The following NEK3 variants were observed in gnomAD, a reference collection of about 807,000 sequenced individuals.
NEK3 encodes NIMA related kinase 3, also known as serine/threonine-protein kinase Nek3.
NEK3 carries 54 observed loss-of-function variants against 66.0 expected under a neutral mutation model. The ratio of observed to expected loss-of-function variants is 0.82; its 90% CI spans 0.66 to 1.03. The LOEUF (loss-of-function observed/expected upper bound fraction) is 1.03. Among genes scored for constraint, NEK3 ranks in the 50% least tolerant of loss-of-function variants. NEK3 has a pLI of 0.00. For missense variants in NEK3, 593 were observed against 603.0 expected (o/e 0.98, Z 0.17); for synonymous variants, 200 against 206.2 (o/e 0.97, Z 0.26).
intron 8 of NEK3, among the ~76,000 whole-genome samples, chr13:52,147,756 G>C (rs1167266538): frequency 6.6e-6 from 1 of 152,154 alleles, no homozygotes; most frequent in South Asian, 2.1e-4. Context: ...TGGATCACCT[G>C]AGGTCAGGAG....
At position 52,133,062 on chromosome 13, in the gene NEK3, G is replaced by A. The variant is rs1332555705; in HGVS notation, c.*80C>T. 43 of 1,088,016 alleles carry A rather than the reference G, an allele frequency of 4.0e-5. No homozygotes were observed. The highest frequency in any genetic ancestry group is 5.1e-5 in the Non-Finnish European group (37 of 725,544). The allele number at this position is 1,088,016 out of a possible 1,614,324, so 67.4% of individuals were successfully genotyped here. ...CTGTTTCCAAAGGAAAATATACGTC[G>A]CATGAACTCATGATCATCTCAGCAT... is the stretch of plus-strand genomic sequence containing the variant. On this transcript the variant is annotated 3_prime_UTR_variant, in exon 16 of 16. Coordinates refer to ENST00000610828, the MANE Select transcript of NEK3 (RefSeq NM_002498.3).
intron 11 of NEK3, among the ~76,000 whole-genome samples, chr13:52,139,856 G>T (rs755060058): frequency 3.3e-5 from 5 of 151,820 alleles, no homozygotes; most frequent in Admixed American, 3.3e-4. Context: ...CCGTGATCAC[G>T]CCACTGCACT....
chr13:52,143,979 C>T lies in NEK3; in HGVS notation c.813G>A (p.Met271Ile). 1 of 1,493,632 alleles carries T rather than the reference C, an allele frequency of 6.7e-7. No homozygotes were observed. Among genetic ancestry groups the T allele is most frequent in the Non-Finnish European group, 9.1e-7 (1 of 1,102,438 alleles). The allele number at this position is 1,493,632 out of a possible 1,614,324, so 92.5% of individuals were successfully genotyped here. The change falls in exon 10 of 16, where the codon ATG becomes ATA. Residue 271 changes from methionine (M) to isoleucine (I), a missense_variant. By Grantham distance (10) the Met-to-Ile change is conservative. Coordinates refer to ENST00000610828, the MANE Select transcript of NEK3 (RefSeq NM_002498.3). ...CTTCTAATACTTCCTCACCATATTC[C>T]ATGATGATCTGAAATTTAAAGTTGA... ...VQKCLPPEIIMEYGEEVLEEI... is the reference protein window; with the variant it reads ...VQKCLPPEIIIEYGEEVLEEI...
intron 10 of NEK3, among the ~76,000 whole-genome samples, chr13:52,142,260 C>G (rs1017923661): frequency 1.2e-4 from 18 of 151,364 alleles, no homozygotes; most frequent in African/African-American, 4.1e-4. Context: ...ACTGGTAAAA[C>G]AAAGGTAACT....
At chr13:52,154,350 T>C (rs1956373720) in intron 2 of NEK3, among the ~76,000 whole-genome samples, 177 bp from the exon 3 acceptor site, 1 of 152,222 alleles carries the variant, frequency 6.6e-6, no homozygotes, top group Non-Finnish European at 1.5e-5. Flanking sequence ...CAACTCTGGC[T>C]ATATTTTCAT....
chr13:52,138,324 G>T (rs2138191731), intron 11 of NEK3, among the ~76,000 whole-genome samples: 1 of 152,326 alleles, frequency 6.6e-6, no homozygotes, highest in African/African-American at 2.4e-5. Context: ...GCCCCACCTG[G>T]AAGTTCTATA....
At chr13:52,135,988 C>T in intron 13 of NEK3, 125 bp from the exon 14 acceptor site, 2 of 1,489,916 alleles carry the variant, frequency 1.3e-6, no homozygotes, top group Admixed American at 1.9e-5. Context: ...CTTCATTCAC[C>T]TGTATGAGCA....
At chr13:52,143,488 C>A (rs1268091085) in intron 10 of NEK3, among the ~76,000 whole-genome samples, 2 of 152,136 alleles carry the variant, frequency 1.3e-5, no homozygotes, top group Non-Finnish European at 2.9e-5. Context: ...CACCCAGAGT[C>A]CACAGTTTAC....
chr13:52,136,716 TTATGA>T, intron 12 of NEK3, 79 bp downstream of exon 12: 1 of 735,934 alleles, frequency 1.4e-6, no homozygotes, highest in Admixed American at 2.9e-5. Flanking sequence ...GTACTCTTGT[TTATGA>T]TATCTGAGAC....
At position 52,135,792 on chromosome 13, in the gene NEK3, A is replaced by T. The variant is rs1264879157; in HGVS notation, c.1246T>A (p.Leu416Met). ...QWLKETPDTLLNILKNADLSL... is the reference protein window; with the variant it reads ...QWLKETPDTLMNILKNADLSL... ...AGATCAGCATTCTTAAGGATGTTCAACAAAGTGTCAGGGGTCTCTTTGAGC... is the reference window on the plus strand; with the variant it reads ...AGATCAGCATTCTTAAGGATGTTCATCAAAGTGTCAGGGGTCTCTTTGAGC... Residue 416 changes from leucine to methionine, a missense_variant, in exon 14 of 16, where the codon TTG becomes ATG. Coordinates refer to ENST00000610828, the MANE Select transcript of NEK3 (RefSeq NM_002498.3). The T allele has an allele frequency of 6.2e-7, 1 of 1,613,714 alleles. No individual in the cohort carries two copies. The highest frequency in any genetic ancestry group is 8.5e-7 in the Non-Finnish European group (1 of 1,179,678).
chr13:52,149,143 C>T (rs1031790140), intron 7 of NEK3, among the ~76,000 whole-genome samples: 3 of 152,110 alleles, frequency 2.0e-5, no homozygotes, highest in East Asian at 1.9e-4. Flanking sequence ...TCGTGATCCG[C>T]GCGCCTCAGC....
intron 5 of NEK3, 38 bp downstream of exon 5, chr13:52,152,571 A>G (rs758891914): frequency 3.0e-5 from 37 of 1,240,290 alleles, no homozygotes; most frequent in Non-Finnish European, 4.3e-5. Context: ...TGAATTAAGG[A>G]CTTTTTTTTT....
intron 11 of NEK3, among the ~76,000 whole-genome samples, chr13:52,137,956 G>A (rs1025670150): frequency 6.6e-6 from 1 of 152,204 alleles, no homozygotes; most frequent in African/African-American, 2.4e-5. Context: ...ACTACAGGTG[G>A]TATCAAACTA....
At position 52,151,337 on chromosome 13, in the gene NEK3, C is replaced by T. The variant is rs779779142; in HGVS notation, c.449G>A (p.Arg150His). Residue 150 changes from arginine to histidine, a missense_variant, in exon 6 of 16, where the codon CGT (arginine) becomes CAT (histidine). By Grantham distance (29) the Arg-to-His change is conservative. Coordinates refer to ENST00000610828, the MANE Select transcript of NEK3 (RefSeq NM_002498.3). ...CAGACATACATACTTGGAGAGAAGA[C>T]GGGCAGATCCAAAGTCTCCCAATTT... is the stretch of plus-strand genomic sequence containing the variant. ...KVKLGDFGSA[R>H]LLSNPMAFAC... The T allele has an allele frequency of 6.9e-6, 11 of 1,598,458 alleles. No individual in the cohort carries two copies. Among genetic ancestry groups the T allele is most frequent in the Middle Eastern group, 1.6e-4 (1 of 6,076 alleles).
chr13:52,145,527 A>G (rs1134727), intron 8 of NEK3, among the ~76,000 whole-genome samples: 90,964 of 151,844 alleles, frequency 0.6, 28,289 homozygotes, highest in Middle Eastern at 0.71. Flanking sequence ...TGCCCAGGCT[A>G]GTCTTGAACT....
chr13:52,136,936 T>C (rs187103647), intron 11 of NEK3, 34 bp from the exon 12 acceptor site: 12 of 1,368,422 alleles, frequency 8.8e-6, no homozygotes, highest in Non-Finnish European at 1.1e-5. Context: ...GATTAAATAA[T>C]GCTTGAATTG....
chr13:52,140,989 G>A (rs778905558), intron 11 of NEK3, 31 bp downstream of exon 11: 162 of 1,556,518 alleles, frequency 1.0e-4, no homozygotes, highest in Non-Finnish European at 1.3e-4. Context: ...CACCGCGCCC[G>A]GCCTCATAAA....
At chr13:52,148,892 G>T (rs1326495862) in intron 7 of NEK3, among the ~76,000 whole-genome samples, 3 of 151,950 alleles carry the variant, frequency 2.0e-5, no homozygotes, top group Non-Finnish European at 2.9e-5. Flanking sequence ...CTAAGGGATA[G>T]GGTTCTTCCT....
At chr13:52,153,130 C>T (rs1423898668) in intron 4 of NEK3, among the ~76,000 whole-genome samples, 1 of 151,972 alleles carries the variant, frequency 6.6e-6, no homozygotes, top group Non-Finnish European at 1.5e-5. Context: ...CCTTTGAGGT[C>T]AATAGTTCCT....
Sources: gnomAD v4.1 joint callset for allele counts (sites outside exome capture counted in the v4.1 genomes callset) on GRCh38, gnomAD v4.1.1 for gene constraint, MANE v1.5 for transcripts, NCBI Gene and HGNC (gene_info 2026-07-23, HGNC 2026-07-21) for gene names.